The following FOXF1 variants were observed in gnomAD, a reference collection of about 807,000 sequenced individuals.
The protein encoded by FOXF1 is forkhead box F1.
In FOXF1, 9 loss-of-function variants were observed where a neutral mutation model predicts 26.6. The ratio of observed to expected loss-of-function variants is 0.34; its 90% confidence interval spans 0.20 to 0.59. The LOEUF is 0.59. FOXF1 is among the 20% of genes least tolerant of loss of function. The pLI is 0.83. For missense variants in FOXF1, 499 were observed against 549.9 expected (o/e 0.91, Z 0.93); for synonymous variants, 330 against 257.7 (o/e 1.28, Z -2.69).
rs1196777127 is a variant in FOXF1 at position 86,513,908 on chromosome 16, C to T, written c.*823C>T. 1 of 152,280 alleles carries T rather than the reference C, an allele frequency of 6.6e-6. No homozygotes were observed. Among genetic ancestry groups the T allele is most frequent in the Non-Finnish European group, 1.5e-5 (1 of 68,062 alleles). 9.4% of individuals were successfully genotyped at this position (152,280 alleles called of 1,614,324 possible). On this transcript the variant is annotated 3_prime_UTR_variant, in exon 2 of 2. Transcript: ENST00000262426. Reference sequence around the variant, plus strand: ...TCTGTCTCCCAACCTCTACTGTAAACTTTCTGGTCCGAGAACGAGCCGAAC... The same window carrying T: ...TCTGTCTCCCAACCTCTACTGTAAATTTTCTGGTCCGAGAACGAGCCGAAC...
In FOXF1 at chr16:86,513,579, CAA is replaced by C. The variant is rs1969602630; in HGVS notation, c.*495_*496del. 6.1e-6 allele frequency: 1 copy of C among 163,262 alleles called. No homozygotes were observed. The highest frequency in any genetic ancestry group is 2.4e-5 in the African/African-American group (1 of 41,282). 10.1% of individuals were successfully genotyped at this position (163,262 alleles called of 1,614,324 possible). ...TTTTGAAAGAATGTCTTGGAATGCG[CAA>C]GTCTCCCTTTAGAGCCGTCTTTTGC... On this transcript the variant is annotated 3_prime_UTR_variant, in exon 2 of 2. Coordinates refer to ENST00000262426, the MANE Select transcript of FOXF1 (RefSeq NM_001451.3).
At position 86,511,023 on chromosome 16, in the gene FOXF1, A is replaced by C. The variant is rs1439425253; in HGVS notation, c.454A>C (p.Lys152Gln). Reference protein sequence around the residue: ...RGFRRKCQALKPMYSMMNGLG... With the variant: ...RGFRRKCQALQPMYSMMNGLG... ...CTTCCGAAGGAAATGCCAGGCGCTCAAGCCCATGTACAGCATGATGAACGG... is the reference window on the plus strand; with the variant it reads ...CTTCCGAAGGAAATGCCAGGCGCTCCAGCCCATGTACAGCATGATGAACGG... The change falls in exon 1 of 2, where the codon AAG becomes CAG. Residue 152 changes from lysine (K) to glutamine (Q), a missense_variant. Lys to Gln is a moderately conservative substitution (Grantham distance 53). Around this residue, in one of 5 missense-constraint regions of FOXF1, gnomAD observed 36 missense variants for 73.7 expected, o/e 0.49. Transcript: ENST00000262426. The C allele has an allele frequency of 1.2e-6, 2 of 1,612,194 alleles. No individual in the cohort carries two copies. Among genetic ancestry groups the C allele is most frequent in the East Asian group, 2.2e-5 (1 of 44,820 alleles).
rs757141517 is a variant in FOXF1 at position 86,512,955 on chromosome 16, G to A, written c.1010G>A (p.Ser337Asn). ...CCGCGGTATCACTCGCAGTCGCCCA[G>A]CATGTGTGACCGAAAGGAGTTTGTC... The part of the protein sequence containing the change: ...GIPRYHSQSP[S>N]MCDRKEFVFS... The change falls in exon 2 of 2, where the codon AGC becomes AAC. Residue 337 changes from serine (S) to asparagine (N), a missense_variant. Physicochemically the swap from Ser to Asn is conservative, Grantham distance 46. Transcript: ENST00000262426. 6.2e-7 allele frequency: 1 copy of A among 1,614,152 alleles called. No individual in the cohort carries two copies. Among genetic ancestry groups the A allele is most frequent in the South Asian group, 1.1e-5 (1 of 91,066 alleles).
Position 86,510,608 on chromosome 16 carries a change from C to CGGCGGA in FOXF1, c.44_45insAGGCGG (p.Gly22_Gly23dup), listed in dbSNP as rs1362276202. 3 of 1,373,558 alleles carry CGGCGGA rather than the reference C, an allele frequency of 2.2e-6. No homozygotes were observed. The East Asian group carries it at 8.9e-5, about 41-fold the overall frequency. The allele number at this position is 1,373,558 out of a possible 1,614,324, so 85.1% of individuals were successfully genotyped here. A position where few individuals can be genotyped will look rare whatever the true frequency, so the allele number is the denominator to read the frequency against. On this transcript the variant is annotated inframe_insertion, in exon 1 of 2. Transcript: ENST00000262426. The stretch of plus-strand genomic sequence containing the variant: ...CCGAGAAGCAGCAGCCACCGCACGG[C>CGGCGGA]GGCGGCGGCGGCGGCGGCGGGGGAG...
rs1465232304 is a variant in FOXF1 at position 86,514,769 on chromosome 16, G to A, written c.*1684G>A. ...ACACTATAGACCTCCTTCCCCTAGGGAACACCAATTAAACCATATATGTGC... is the reference window on the plus strand; with the variant it reads ...ACACTATAGACCTCCTTCCCCTAGGAAACACCAATTAAACCATATATGTGC... On this transcript the variant is annotated 3_prime_UTR_variant, in exon 2 of 2. Transcript: ENST00000262426. 2.6e-5 allele frequency: 4 copies of A among 151,844 alleles called. No homozygotes were observed. Among genetic ancestry groups the A allele is most frequent in the African/African-American group, 9.7e-5 (4 of 41,298 alleles). 9.4% of individuals were successfully genotyped at this position (151,844 alleles called of 1,614,324 possible). A position where few individuals can be genotyped will look rare whatever the true frequency, so the allele number is the denominator to read the frequency against.
At position 86,510,659 on chromosome 16, in the gene FOXF1, G is replaced by T. The variant is rs897112417; in HGVS notation, c.90G>T (p.Ser30=). Residue 30 remains serine (S), a synonymous_variant, in exon 1 of 2, where the codon TCG becomes TCT. Coordinates refer to ENST00000262426, the MANE Select transcript of FOXF1 (RefSeq NM_001451.3). ...GGGGAAMDPA[S]SGPSKAKKTN... is the part of the protein sequence containing the mutation. ...GCGGCGCGGCCATGGACCCCGCGTC[G>T]TCCGGCCCGTCCAAGGCCAAGAAGA... 2 of 1,605,562 alleles carry T rather than the reference G, an allele frequency of 1.2e-6. No homozygotes were observed. Among genetic ancestry groups the T allele is most frequent in the Admixed American group, 1.7e-5 (1 of 59,490 alleles).
chr16:86,512,699 C>T (rs1969586695), intron 1 of FOXF1, among the ~76,000 whole-genome samples: 1 of 128,836 alleles, frequency 7.8e-6, no homozygotes, highest in African/African-American at 2.7e-5. Flanking sequence ...AGCAGGCAGG[C>T]AGGCAGGCAG....
In FOXF1 at chr16:86,513,839, T is replaced by G. The variant is rs142129039; in HGVS notation, c.*754T>G. On this transcript the variant is annotated 3_prime_UTR_variant, in exon 2 of 2. Coordinates refer to ENST00000262426, the MANE Select transcript of FOXF1 (RefSeq NM_001451.3). ...TCCTTCGCTTCAGCCTCTTCTGTTA[T>G]GTTTTGTCTTGAATTTTATTTAGAC... 1 of 152,308 alleles carries G rather than the reference T, an allele frequency of 6.6e-6. No homozygotes were observed. Among genetic ancestry groups the G allele is most frequent in the Non-Finnish European group, 1.5e-5 (1 of 68,062 alleles). 9.4% of individuals were successfully genotyped at this position (152,308 alleles called of 1,614,324 possible).
Position 86,514,450 on chromosome 16 carries a change from T to G in FOXF1, c.*1365T>G, listed in dbSNP as rs1457358267. On this transcript the variant is annotated 3_prime_UTR_variant, in exon 2 of 2. Coordinates refer to ENST00000262426, the MANE Select transcript of FOXF1 (RefSeq NM_001451.3). ...AAATTGTATCAACTAGAAATAAAATTGCATGAGTATTTTATTGGGACTGAG... is the reference window on the plus strand; with the variant it reads ...AAATTGTATCAACTAGAAATAAAATGGCATGAGTATTTTATTGGGACTGAG... 6.6e-6 allele frequency: 1 copy of G among 152,172 alleles called. No individual in the cohort carries two copies. 9.4% of individuals were successfully genotyped at this position (152,172 alleles called of 1,614,324 possible). A position where few individuals can be genotyped will look rare whatever the true frequency, so the allele number is the denominator to read the frequency against.
In FOXF1 at chr16:86,513,180, G is replaced by A. The variant is rs932013243; in HGVS notation, c.*95G>A. ...GCTTTCTTCTCGAGGTATAACCGTC[G>A]GCAGAAGAAAAGGGTTCCACCTCTC... On this transcript the variant is annotated 3_prime_UTR_variant, in exon 2 of 2. Transcript: ENST00000262426. 1.1e-5 allele frequency: 15 copies of A among 1,389,710 alleles called. No homozygotes were observed. Among genetic ancestry groups the A allele is most frequent in the Middle Eastern group, 2.0e-4 (1 of 4,896 alleles). 86.1% of individuals were successfully genotyped at this position (1,389,710 alleles called of 1,614,324 possible). A position where few individuals can be genotyped will look rare whatever the true frequency, so the allele number is the denominator to read the frequency against.
chr16:86,511,348 A>T lies in FOXF1; in HGVS notation c.779A>T (p.His260Leu). The T allele has an allele frequency of 6.5e-7, 1 of 1,546,038 alleles. No individual in the cohort carries two copies. ...PTGAGGVMEP[H>L]AVYSGSAAAW... ...GGCGCCGGTGGGGTCATGGAGCCGC[A>T]CGCCGTCTACTCGGGCTCGGCGGCG... Residue 260 changes from histidine (H) to leucine (L), a missense_variant, in exon 1 of 2, where the codon CAC becomes CTC. This residue lies in a region of FOXF1 where 367 missense variants were observed against 324.8 expected (regional missense o/e 1.13). Transcript: ENST00000262426.
In FOXF1 at chr16:86,514,817, A is replaced by G. The variant is rs984095569; in HGVS notation, c.*1732A>G. 6.6e-6 allele frequency: 1 copy of G among 151,378 alleles called. No homozygotes were observed. Among genetic ancestry groups the G allele is most frequent in the Non-Finnish European group, 1.5e-5 (1 of 67,634 alleles). 9.4% of individuals were successfully genotyped at this position (151,378 alleles called of 1,614,324 possible). A position where few individuals can be genotyped will look rare whatever the true frequency, so the allele number is the denominator to read the frequency against. On this transcript the variant is annotated 3_prime_UTR_variant, in exon 2 of 2. Coordinates refer to ENST00000262426, the MANE Select transcript of FOXF1 (RefSeq NM_001451.3). ...TGCACATACATATGGATATACATAT[A>G]TATGTATATACATATATGTACATAT...
In FOXF1 at chr16:86,513,140, C is replaced by T. The variant is rs949573665; in HGVS notation, c.*55C>T. 1.8e-5 allele frequency: 29 copies of T among 1,580,478 alleles called. 1 individual carries two copies. Among genetic ancestry groups the T allele is most frequent in the East Asian group, 9.0e-5 (4 of 44,688 alleles). On this transcript the variant is annotated 3_prime_UTR_variant, in exon 2 of 2. Coordinates refer to ENST00000262426, the MANE Select transcript of FOXF1 (RefSeq NM_001451.3). ...GCAGGCGGGTCACAGGGACCCTGGA[C>T]CGGCACAAGAAACTGCTTTCTTCTC...
chr16:86,515,007 T>C lies in FOXF1; in HGVS notation c.*1922T>C, dbSNP rs117738492. 2.0e-5 allele frequency: 3 copies of C among 152,304 alleles called. No individual in the cohort carries two copies. Among genetic ancestry groups the C allele is most frequent in the Non-Finnish European group, 4.4e-5 (3 of 68,026 alleles). The allele number at this position is 152,304 out of a possible 1,614,324, so 9.4% of individuals were successfully genotyped here. Reference sequence around the variant, plus strand: ...GTTGTTGGTTTGTCTTGTTTTGTTTTGGCTTTTTGGTGCCTTGTTCTTGGT... The same window carrying C: ...GTTGTTGGTTTGTCTTGTTTTGTTTCGGCTTTTTGGTGCCTTGTTCTTGGT... On this transcript the variant is annotated 3_prime_UTR_variant, in exon 2 of 2. Transcript: ENST00000262426. The surrounding 1 kb of genome is among the most constrained non-coding windows in gnomAD (Gnocchi z 4.1).
chr16:86,512,912 C>T lies in FOXF1; in HGVS notation c.980-13C>T. The T allele has an allele frequency of 6.2e-7, 1 of 1,613,986 alleles. No homozygotes were observed. Among genetic ancestry groups the T allele is most frequent in the Non-Finnish European group, 8.5e-7 (1 of 1,180,026 alleles). On this transcript the variant is annotated splice_polypyrimidine_tract_variant and intron_variant, in intron 1 of 1. Transcript: ENST00000262426. ...TCTGCTCCCCCAACCCCTCCTGTCGCCTCGCCTTGCAGGCATCCCGCGGTA... is the reference window on the plus strand; with the variant it reads ...TCTGCTCCCCCAACCCCTCCTGTCGTCTCGCCTTGCAGGCATCCCGCGGTA...
chr16:86,511,815 TG>T (rs1969570349), intron 1 of FOXF1, among the ~76,000 whole-genome samples: 1 of 152,244 alleles, frequency 6.6e-6, no homozygotes, highest in African/African-American at 2.4e-5. Flanking sequence ...AGGCTGGTCC[TG>T]AGCCAGATGT....
intron 1 of FOXF1, among the ~76,000 whole-genome samples, chr16:86,512,430 G>A (rs973472147): frequency 5.3e-5 from 8 of 152,226 alleles, no homozygotes; most frequent in Admixed American, 2.0e-4. Context: ...GCCTCTCTGC[G>A]GGGGACTCCC....
Position 86,511,365 on chromosome 16 carries a change from T to A in FOXF1, c.796T>A (p.Ser266Thr), listed in dbSNP as rs775347781. The A allele has an allele frequency of 1.9e-6, 3 of 1,569,562 alleles. No homozygotes were observed. The highest frequency in any genetic ancestry group is 2.6e-6 in the Non-Finnish European group (3 of 1,167,348). The stretch of plus-strand genomic sequence containing the variant: ...GGAGCCGCACGCCGTCTACTCGGGC[T>A]CGGCGGCGGCCTGGCCGCCCTCGGC... ...VMEPHAVYSGSAAAWPPSASA... is the reference protein window; with the variant it reads ...VMEPHAVYSGTAAAWPPSASA... The change falls in exon 1 of 2, where the codon TCG (serine) becomes ACG (threonine). Residue 266 changes from serine to threonine, a missense_variant. Ser to Thr is a moderately conservative substitution (Grantham distance 58, BLOSUM62 1). Coordinates refer to ENST00000262426, the MANE Select transcript of FOXF1 (RefSeq NM_001451.3).
chr16:86,511,504 C>G lies in FOXF1; in HGVS notation c.935C>G (p.Pro312Arg). The change falls in exon 1 of 2, where the codon CCG becomes CGG. Residue 312 changes from proline to arginine, a missense_variant. Transcript: ENST00000262426. ...CTCTCCACGCACTCCCTGGAGCAGC[C>G]GTATCTGCACCAGAACAGCCACAAC... ...GSLSTHSLEQ[P>R]YLHQNSHNAP... 1 of 1,585,748 alleles carries G rather than the reference C, an allele frequency of 6.3e-7. No individual in the cohort carries two copies. Among genetic ancestry groups the G allele is most frequent in the Non-Finnish European group, 8.5e-7 (1 of 1,174,586 alleles).
Sources: allele counts gnomAD v4.1 joint callset (sites outside exome capture counted in the v4.1 genomes callset), GRCh38; gene constraint gnomAD v4.1.1; regional missense constraint gnomAD v4.1.1; non-coding constraint Gnocchi (gnomAD v3.1); transcripts MANE v1.5; gene names NCBI Gene and HGNC (gene_info 2026-07-23, HGNC 2026-07-21).